EGF: variants seen among roughly 807,000 people sequenced by gnomAD.
EGF encodes epidermal growth factor.
A neutral mutation model predicts 143.8 loss-of-function variants in EGF; 95 were observed. The ratio of observed to expected loss-of-function variants is 0.66; its 90% CI spans 0.56 to 0.78. The LOEUF is 0.78. Ranked by LOEUF, EGF falls within the 30% of genes least tolerant of loss-of-function variation. EGF has a pLI of 0.00. For missense variants in EGF, 1,320 were observed against 1,470.9 expected (o/e 0.90, Z 1.68); for synonymous variants, 510 against 510.5 (o/e 1.00, Z 0.01).
intron 18 of EGF, among the ~76,000 whole-genome samples, chr4:109,992,713 A>G (rs965828561): frequency 1.3e-5 from 2 of 152,054 alleles, no homozygotes; most frequent in Non-Finnish European, 2.9e-5. Context: ...TCCAACAATG[A>G]TAGACTGGAT....
intron 1 of EGF, among the ~76,000 whole-genome samples, chr4:109,914,786 A>C (rs561193826): frequency 1.6e-4 from 25 of 152,334 alleles, no homozygotes; most frequent in African/African-American, 6.0e-4. Context: ...CCTCAGACTC[A>C]GCTGTTGGAG....
chr4:109,987,542 G>C (rs1750315204), intron 16 of EGF, among the ~76,000 whole-genome samples: 1 of 152,202 alleles, frequency 6.6e-6, no homozygotes, highest in Non-Finnish European at 1.5e-5. Flanking sequence ...GGGATTACAA[G>C]CATGAACCAC....
chr4:109,963,340 A>AT, intron 9 of EGF, 42 bp downstream of exon 9: 1 of 1,613,370 alleles, frequency 6.2e-7, no homozygotes, highest in Non-Finnish European at 8.5e-7. Flanking sequence ...CTGAAAAAAA[A>AT]TTCATGAAAA....
At chr4:109,961,838 C>T in intron 7 of EGF, 25 bp from the exon 8 acceptor site, 2 of 1,612,910 alleles carry the variant, frequency 1.2e-6, no homozygotes, top group Non-Finnish European at 1.7e-6. Context: ...TAACACTAAT[C>T]TTGACCTTGT....
In EGF at chr4:109,987,899, T is replaced by C. The variant is rs187847094; in HGVS notation, c.2608+39T>C. ...GCAAATTCACATATTTGGACAATACTGAACCAGAAACATTTTTTCTGCTCT... is the reference window on the plus strand; with the variant it reads ...GCAAATTCACATATTTGGACAATACCGAACCAGAAACATTTTTTCTGCTCT... On this transcript the variant is annotated intron_variant, in intron 17 of 23. Transcript: ENST00000265171. 94 of 1,488,458 alleles carry C rather than the reference T, an allele frequency of 6.3e-5. No individual in the cohort carries two copies. The East Asian group carries it at 2.1e-3, about 33-fold the overall frequency. 92.2% of individuals were successfully genotyped at this position (1,488,458 alleles called of 1,614,324 possible).
Position 109,999,725 on chromosome 4 carries a change from A to C in EGF, c.3052A>C (p.Lys1018Gln). Residue 1018 changes from lysine (K) to glutamine (Q), a missense_variant, in exon 21 of 24, where the codon AAG becomes CAG. Around this residue, in one of 5 missense-constraint regions of EGF, gnomAD observed 1,186 missense variants for 1,313.7 expected, o/e 0.90. Transcript: ENST00000265171. ...IGERCQYRDLKWWELRHAGHG... is the reference protein window; with the variant it reads ...IGERCQYRDLQWWELRHAGHG... ...GGAGCGATGTCAGTACCGAGACCTGAAGTGGTGGGAACTGCGCCACGCTGG... is the reference window on the plus strand; with the variant it reads ...GGAGCGATGTCAGTACCGAGACCTGCAGTGGTGGGAACTGCGCCACGCTGG... 3 of 1,613,792 alleles carry C rather than the reference A, an allele frequency of 1.9e-6. No homozygotes were observed. Among genetic ancestry groups the C allele is most frequent in the Non-Finnish European group, 2.5e-6 (3 of 1,179,924 alleles).
intron 9 of EGF, 68 bp from the exon 10 acceptor site, chr4:109,964,333 A>T (rs900178893): frequency 6.2e-7 from 1 of 1,602,208 alleles, no homozygotes; most frequent in African/African-American, 1.3e-5. Flanking sequence ...GAAAGGGAAG[A>T]GTCAGAGATG....
chr4:109,967,494 T>A (rs953860028), intron 10 of EGF, among the ~76,000 whole-genome samples: 8 of 152,214 alleles, frequency 5.3e-5, no homozygotes, highest in African/African-American at 1.9e-4. Context: ...TATTTCTTTT[T>A]GCTTAGTATC....
chr4:109,996,530 C>T (rs1462622999), intron 20 of EGF, among the ~76,000 whole-genome samples: 7 of 152,178 alleles, frequency 4.6e-5, no homozygotes, highest in Non-Finnish European at 8.8e-5. Flanking sequence ...CCCTGATGAC[C>T]TCACCTTATC....
At chr4:109,943,720 A>G in intron 3 of EGF, 122 bp from the exon 4 acceptor site, 1 of 892,340 alleles carries the variant, frequency 1.1e-6, no homozygotes, top group Admixed American at 2.0e-5. Flanking sequence ...TACTTGTTGA[A>G]TAAATTTTCA....
Position 110,011,593 on chromosome 4 carries a change from G to C in EGF, c.*138G>C. On this transcript the variant is annotated 3_prime_UTR_variant, in exon 24 of 24. Transcript: ENST00000265171. ...ATCACCTACTCAATGCCTGGAGACAGATACGTAGTTGTGCTTTTGTTTGCT... is the reference window on the plus strand; with the variant it reads ...ATCACCTACTCAATGCCTGGAGACACATACGTAGTTGTGCTTTTGTTTGCT... The C allele has an allele frequency of 7.6e-7, 1 of 1,314,882 alleles. No homozygotes were observed. The highest frequency in any genetic ancestry group is 2.0e-5 in the Admixed American group (1 of 49,836). The allele number at this position is 1,314,882 out of a possible 1,614,324, so 81.5% of individuals were successfully genotyped here. A position where few individuals can be genotyped will look rare whatever the true frequency, so the allele number is the denominator to read the frequency against.
intron 9 of EGF, 143 bp from the exon 10 acceptor site, chr4:109,964,258 C>T (rs1746179680): frequency 1.7e-6 from 2 of 1,159,810 alleles, no homozygotes; most frequent in Admixed American, 1.8e-5. Flanking sequence ...CCTGTCTTCA[C>T]CTATACCACA....
chr4:109,961,874 T>C lies in EGF; in HGVS notation c.1201T>C (p.Cys401Arg). Residue 401 changes from cysteine (C) to arginine (R), a missense_variant, in exon 8 of 24, where the codon TGT becomes CGT. Coordinates refer to ENST00000265171, the MANE Select transcript of EGF (RefSeq NM_001963.6). ...TCTTTATTAATTAGAACTTGTTTCC[T>C]GTCCACGCAATGTGTCTGAATGCAG... ...DGKRCHQLVS[C>R]PRNVSECSHD... The C allele has an allele frequency of 1.2e-6, 2 of 1,613,828 alleles. No individual in the cohort carries two copies. Among genetic ancestry groups the C allele is most frequent in the Non-Finnish European group, 1.7e-6 (2 of 1,179,758 alleles).
At chr4:109,943,508 T>A in intron 3 of EGF, 73 bp downstream of exon 3, 1 of 1,530,160 alleles carries the variant, frequency 6.5e-7, no homozygotes, top group Non-Finnish European at 9.0e-7. Flanking sequence ...TATAACATTG[T>A]AAATTCAAAG....
chr4:109,943,111 A>T, intron 2 of EGF, 143 bp from the exon 3 acceptor site: 2 of 571,376 alleles, frequency 3.5e-6, no homozygotes, highest in South Asian at 2.9e-5. Flanking sequence ...CGTATCTGTG[A>T]CTATTTTATT....
intron 5 of EGF, among the ~76,000 whole-genome samples, chr4:109,947,350 A>C (rs574837513): frequency 1.3e-5 from 2 of 152,124 alleles, no homozygotes; most frequent in South Asian, 2.1e-4. Context: ...GCAGAAACAG[A>C]GATAGAATTG....
chr4:109,970,317 T>G (rs1242952156), intron 11 of EGF, among the ~76,000 whole-genome samples: 1 of 152,160 alleles, frequency 6.6e-6, no homozygotes, highest in Non-Finnish European at 1.5e-5. Context: ...CAATGTGCTC[T>G]GAGATATATT....
At chr4:109,927,506 C>T (rs1047321293) in intron 1 of EGF, among the ~76,000 whole-genome samples, 4 of 151,884 alleles carry the variant, frequency 2.6e-5, no homozygotes, top group African/African-American at 7.3e-5. Flanking sequence ...AGGCGGATCA[C>T]GAGGTCAGGA....
At chr4:109,966,266 T>C (rs1308229595) in intron 10 of EGF, among the ~76,000 whole-genome samples, 1 of 152,030 alleles carries the variant, frequency 6.6e-6, no homozygotes, top group Admixed American at 6.6e-5. Context: ...TGTGTACCCA[T>C]TGTTCAGCTC....
Sources: allele counts gnomAD v4.1 joint callset (sites outside exome capture counted in the v4.1 genomes callset), GRCh38; gene constraint gnomAD v4.1.1; regional missense constraint gnomAD v4.1.1; transcripts MANE v1.5; gene names NCBI Gene and HGNC (gene_info 2026-07-23, HGNC 2026-07-21).